Variants in STK39 observed in about 807,000 individuals in gnomAD.
STK39 encodes STE20/SPS1-related proline-alanine-rich protein kinase.
In STK39, 20 loss-of-function variants were observed where a neutral mutation model predicts 77.8. The ratio of observed to expected loss-of-function variants is 0.26; its 90% CI spans 0.18 to 0.37. STK39 has a LOEUF of 0.37. STK39 is among the 10% of genes least tolerant of loss of function. The pLI, the probability that STK39 is intolerant of heterozygous loss-of-function variation, is 1.00. For synonymous variants in STK39, 246 were observed against 234.1 expected (o/e 1.05, Z -0.47); for missense variants, 479 against 656.5 (o/e 0.73, Z 2.95).
chr2:168,198,997 A>G (rs984643730), intron 1 of STK39, among the ~76,000 whole-genome samples: 4 of 152,220 alleles, frequency 2.6e-5, no homozygotes, highest in Non-Finnish European at 2.9e-5. Flanking sequence ...ATGCTTATGC[A>G]ATTGCTAGTT....
chr2:168,222,545 A>G (rs1690201527), intron 1 of STK39, among the ~76,000 whole-genome samples: 1 of 152,212 alleles, frequency 6.6e-6, no homozygotes, highest in Non-Finnish European at 1.5e-5. Flanking sequence ...ATTTCCATTC[A>G]TGATTTCCCT....
chr2:168,084,115 G>T (rs1686308250), intron 10 of STK39, among the ~76,000 whole-genome samples: 2 of 152,064 alleles, frequency 1.3e-5, no homozygotes, highest in African/African-American at 4.8e-5. Flanking sequence ...TCACACCCCT[G>T]TTGTACACCA....
intron 1 of STK39, among the ~76,000 whole-genome samples, chr2:168,229,547 A>G (rs1279034736): frequency 1.3e-5 from 2 of 152,196 alleles, no homozygotes; most frequent in Non-Finnish European, 2.9e-5. Flanking sequence ...TTCTATCCTA[A>G]TAGGCTAGCA....
intron 1 of STK39, among the ~76,000 whole-genome samples, chr2:168,247,007 C>T (rs1232897296): frequency 6.7e-6 from 1 of 150,242 alleles, no homozygotes; most frequent in Non-Finnish European, 1.5e-5. Context: ...TCACATCCGC[C>T]GCGCCGCCTC....
intron 1 of STK39, among the ~76,000 whole-genome samples, chr2:168,244,881 T>C (rs1234091902): frequency 6.6e-6 from 1 of 152,222 alleles, no homozygotes; most frequent in African/African-American, 2.4e-5. Context: ...AAATTTCTTT[T>C]TTTCCACTAA....
At chr2:168,018,257 T>C (rs797009398) in intron 14 of STK39, among the ~76,000 whole-genome samples, 7 of 152,220 alleles carry the variant, frequency 4.6e-5, no homozygotes, top group African/African-American at 1.7e-4. Context: ...CCCAGAACTT[T>C]GAGAGGCTGA....
chr2:168,035,900 G>A (rs764719205), intron 14 of STK39, among the ~76,000 whole-genome samples: 5 of 151,992 alleles, frequency 3.3e-5, no homozygotes, highest in African/African-American at 7.3e-5. Flanking sequence ...CCCTCTCCTC[G>A]AACATAACAC....
Position 168,214,738 on chromosome 2 carries a change from G to A in STK39, c.208+32490C>T, listed in dbSNP as rs147682148. ...AAGGTTGACTAAGGGGGAAAGGCACGAGTAAGGGAATAAGGATAAAAGAAA... is the reference window on the plus strand; with the variant it reads ...AAGGTTGACTAAGGGGGAAAGGCACAAGTAAGGGAATAAGGATAAAAGAAA... On this transcript the variant is annotated intron_variant, in intron 1 of 17. Transcript: ENST00000355999. Among the ~76,000 whole-genome samples the A allele has an allele frequency of 2.6e-4, 40 of 152,314 alleles. No homozygotes were observed. In the East Asian group the frequency reaches 4.8e-3, roughly 18 times the overall value.
At chr2:168,066,838 C>A (rs1472950674) in intron 12 of STK39, among the ~76,000 whole-genome samples, 1 of 152,232 alleles carries the variant, frequency 6.6e-6, no homozygotes, top group Admixed American at 6.5e-5. Flanking sequence ...TATGGTAATT[C>A]CTCAGAAAAT....
chr2:168,182,264 GAGGAGAAAAAAAA>G (rs971926941), intron 1 of STK39, among the ~76,000 whole-genome samples, 174 bp from the exon 2 acceptor site: 26 of 151,574 alleles, frequency 1.7e-4, no homozygotes, highest in Middle Eastern at 6.8e-3. Context: ...TAATTATCTG[GAGGAGAAAAAAAA>G]AACTGCATTT....
At chr2:168,157,065 C>A (rs1688448202) in intron 5 of STK39, among the ~76,000 whole-genome samples, 1 of 152,220 alleles carries the variant, frequency 6.6e-6, no homozygotes, top group Non-Finnish European at 1.5e-5. Context: ...TCCTCTAGCT[C>A]CTTAATGGAT....
intron 14 of STK39, among the ~76,000 whole-genome samples, chr2:168,037,118 G>A (rs1306250670): frequency 6.6e-6 from 1 of 152,172 alleles, no homozygotes; most frequent in Non-Finnish European, 1.5e-5. Flanking sequence ...ATAAGAGTGA[G>A]TTATTTTATT....
chr2:168,164,613 C>A (rs898441360), intron 3 of STK39, among the ~76,000 whole-genome samples: 1 of 151,758 alleles, frequency 6.6e-6, no homozygotes, highest in East Asian at 1.9e-4. Flanking sequence ...TACCACGTTG[C>A]CCATGCCGGT....
At chr2:167,997,285 C>T (rs1683870390) in intron 16 of STK39, among the ~76,000 whole-genome samples, 1 of 151,886 alleles carries the variant, frequency 6.6e-6, no homozygotes, top group Admixed American at 6.6e-5. Context: ...ATCTGGGTCT[C>T]ACTGTATTTG....
intron 1 of STK39, among the ~76,000 whole-genome samples, chr2:168,190,061 G>A (rs967057083): frequency 2.6e-5 from 4 of 152,206 alleles, no homozygotes; most frequent in Non-Finnish European, 5.9e-5. Context: ...TTCCCAGGCA[G>A]GGACTCTCTA....
chr2:168,124,610 G>A (rs1300257623), intron 10 of STK39, among the ~76,000 whole-genome samples: 3 of 152,060 alleles, frequency 2.0e-5, no homozygotes, highest in Admixed American at 2.0e-4. Flanking sequence ...TGTTAGCCAG[G>A]CTGGTCTTGA....
intron 16 of STK39, among the ~76,000 whole-genome samples, chr2:167,991,306 G>A (rs1055852804): frequency 1.3e-5 from 2 of 148,752 alleles, no homozygotes; most frequent in Non-Finnish European, 3.0e-5. Flanking sequence ...GCCTGTGATT[G>A]TCATTAACAC....
intron 1 of STK39, among the ~76,000 whole-genome samples, chr2:168,230,832 T>C (rs989534780): frequency 5.3e-5 from 8 of 152,152 alleles, no homozygotes; most frequent in African/African-American, 1.9e-4. Context: ...AATTGTAAAC[T>C]TGGAAATGCC....
Position 168,063,429 on chromosome 2 carries a change from G to A in STK39, c.1376+71C>T, listed in dbSNP as rs540640735. 7 of 1,333,628 alleles carry A rather than the reference G, an allele frequency of 5.2e-6. No homozygotes were observed. The East Asian group carries it at 1.6e-4, about 31-fold the overall frequency. 82.6% of individuals were successfully genotyped at this position (1,333,628 alleles called of 1,614,324 possible). On this transcript the variant is annotated intron_variant, in intron 14 of 17. Coordinates refer to ENST00000355999, the MANE Select transcript of STK39 (RefSeq NM_013233.3). ...TCTATTTTATGCTAATATTATGAAA[G>A]GTTAACGAAGGAGATTTAAAAAATT...
Sources: allele counts gnomAD v4.1 joint callset (sites outside exome capture counted in the v4.1 genomes callset), GRCh38; gene constraint gnomAD v4.1.1; transcripts MANE v1.5; gene names NCBI Gene and HGNC (gene_info 2026-07-23, HGNC 2026-07-21).